The following EIF2A variants were observed in gnomAD, a reference collection of about 807,000 sequenced individuals.
EIF2A encodes 65 kDa eukaryotic translation initiation factor 2A.
A neutral mutation model predicts 75.2 loss-of-function variants in EIF2A; 62 were observed. The ratio of observed to expected loss-of-function variants is 0.82; its 90% CI spans 0.67 to 1.02. The LOEUF is 1.02. EIF2A is among the 50% of genes least tolerant of loss of function. EIF2A has a pLI of 0.00. For missense variants in EIF2A, 611 were observed against 677.7 expected (o/e 0.90, Z 1.09); for synonymous variants, 207 against 239.0 (o/e 0.87, Z 1.23).
At chr3:150,583,132 T>C in intron 12 of EIF2A, 68 bp from the exon 13 acceptor site, 1 of 1,384,964 alleles carries the variant, frequency 7.2e-7, no homozygotes, top group Non-Finnish European at 9.9e-7. Flanking sequence ...TTTCACATTC[T>C]TAATAAGGAA....
At chr3:150,558,556 A>G in intron 3 of EIF2A, 94 bp downstream of exon 3, 1 of 1,132,602 alleles carries the variant, frequency 8.8e-7, no homozygotes, top group Non-Finnish European at 1.2e-6. Flanking sequence ...TCATTAATAA[A>G]ATCCGTCTTT....
Position 150,563,530 on chromosome 3 carries a change from C to G in EIF2A, c.308C>G (p.Thr103Arg), listed in dbSNP as rs1466788077. 6.5e-7 allele frequency: 1 copy of G among 1,547,594 alleles called. No homozygotes were observed. The highest frequency in any genetic ancestry group is 8.7e-7 in the Non-Finnish European group (1 of 1,146,132). The change falls in exon 5 of 14, where the codon ACA becomes AGA. Residue 103 changes from threonine (T) to arginine (R), a missense_variant. Thr to Arg is a moderately conservative substitution (Grantham distance 71). Coordinates refer to ENST00000460851, the MANE Select transcript of EIF2A (RefSeq NM_032025.5). ...TTTATTGCAGCTTCTAAAGATGGCA[C>G]AGCTGGGATACCCAACCTACAACTT... ...WQPYTTSKDG[T>R]AGIPNLQLYD...
chr3:150,578,950 C>T (rs943939803), intron 11 of EIF2A, among the ~76,000 whole-genome samples: 2 of 152,156 alleles, frequency 1.3e-5, no homozygotes, highest in African/African-American at 4.8e-5. Context: ...AGAGTTGAAA[C>T]ATAAGAATTT....
chr3:150,561,957 C>T (rs962970786), intron 3 of EIF2A, among the ~76,000 whole-genome samples: 2 of 151,856 alleles, frequency 1.3e-5, no homozygotes, highest in African/African-American at 4.8e-5. Context: ...CAGAGGTTCT[C>T]CATGTTGGCC....
At chr3:150,563,852 C>T (rs936916837) in intron 5 of EIF2A, among the ~76,000 whole-genome samples, 1 of 152,130 alleles carries the variant, frequency 6.6e-6, no homozygotes, top group African/African-American at 2.4e-5. Context: ...GAGTCTCGCT[C>T]TGTCACCCAG....
chr3:150,572,567 AT>A (rs752388404), intron 10 of EIF2A, 38 bp downstream of exon 10: 2 of 1,550,754 alleles, frequency 1.3e-6, no homozygotes, highest in Non-Finnish European at 1.7e-6. Flanking sequence ...AAAAAAGTTT[AT>A]TTTGGGCCAG....
Position 150,582,749 on chromosome 3 carries a change from TG to T in EIF2A, c.1627-447del, listed in dbSNP as rs143685584. ...ATTTGTGATATTGCAGCCAGTGTGC[TG>T]GGGTGGCCCTGGGGATAAAAAAAGG... On this transcript the variant is annotated intron_variant, in intron 12 of 13. Transcript: ENST00000460851. Among the ~76,000 whole-genome samples the T allele has an allele frequency of 3.4e-3, 516 of 152,272 alleles. 2 individuals carry two copies. The highest frequency in any genetic ancestry group is 0.012 in the African/African-American group (485 of 41,552).
At chr3:150,556,667 C>A (rs1247439660) in intron 2 of EIF2A, among the ~76,000 whole-genome samples, 1 of 151,996 alleles carries the variant, frequency 6.6e-6, no homozygotes, top group Non-Finnish European at 1.5e-5. Flanking sequence ...ATGATGAGTG[C>A]ATAGGTGGAT....
chr3:150,565,265 C>A, intron 6 of EIF2A: 4 of 453,162 alleles, frequency 8.8e-6, no homozygotes, highest in Non-Finnish European at 1.3e-5. Context: ...GTGATGTTCA[C>A]TTCTTTTATC....
At chr3:150,551,541 T>C (rs1559873403) in intron 1 of EIF2A, among the ~76,000 whole-genome samples, 1 of 150,342 alleles carries the variant, frequency 6.7e-6, no homozygotes, top group Non-Finnish European at 1.5e-5. Flanking sequence ...GAGATCAGCC[T>C]GGGCAACAGT....
At chr3:150,570,423 C>T (rs1046458407) in intron 9 of EIF2A, among the ~76,000 whole-genome samples, 1 of 150,990 alleles carries the variant, frequency 6.6e-6, no homozygotes, top group Non-Finnish European at 1.5e-5. Flanking sequence ...TCCTCAGAGC[C>T]GGTGCAGTGG....
intron 5 of EIF2A, 119 bp downstream of exon 5, chr3:150,563,733 T>A (rs1724008324): frequency 1.2e-6 from 1 of 846,452 alleles, no homozygotes; most frequent in East Asian, 3.0e-5. Context: ...AATCTACATT[T>A]TTAAGGATTT....
At chr3:150,571,607 TATAA>T (rs915249424) in intron 9 of EIF2A, among the ~76,000 whole-genome samples, 17 of 152,150 alleles carry the variant, frequency 1.1e-4, no homozygotes, top group African/African-American at 3.4e-4. Context: ...ATCCCATTTC[TATAA>T]ATAAATAAAT....
chr3:150,569,921 A>G (rs1724410002), intron 9 of EIF2A, among the ~76,000 whole-genome samples: 3 of 152,310 alleles, frequency 2.0e-5, no homozygotes, highest in African/African-American at 7.2e-5. Context: ...CCAGAAGTAG[A>G]TCCATACTTT....
At chr3:150,552,290 C>G (rs12330655) in intron 1 of EIF2A, 66 bp from the exon 2 acceptor site, 693,490 of 1,360,746 alleles carry the variant, frequency 0.51, 178,028 homozygotes, top group Middle Eastern at 0.57. Flanking sequence ...TTTTAAAAAA[C>G]ACATTTGTGT....
chr3:150,550,121 CTG>C (rs1723242987), intron 1 of EIF2A, among the ~76,000 whole-genome samples: 1 of 106,518 alleles, frequency 9.4e-6, no homozygotes, highest in Admixed American at 1.1e-4. Context: ...CTGTGTGAAA[CTG>C]GCGTTTATTT....
At chr3:150,567,840 A>G in intron 7 of EIF2A, 62 bp from the exon 8 acceptor site, 3 of 1,577,584 alleles carry the variant, frequency 1.9e-6, no homozygotes, top group African/African-American at 2.7e-5. Context: ...TTGTAAAAAC[A>G]TGTCCATCTC....
At chr3:150,551,451 G>A (rs1159342206) in intron 1 of EIF2A, among the ~76,000 whole-genome samples, 4 of 152,076 alleles carry the variant, frequency 2.6e-5, no homozygotes, top group African/African-American at 9.7e-5. Flanking sequence ...GTATAGTCTA[G>A]GCTAGGTGCG....
chr3:150,555,359 C>T (rs796973846), intron 2 of EIF2A, among the ~76,000 whole-genome samples: 3 of 152,080 alleles, frequency 2.0e-5, no homozygotes, highest in African/African-American at 7.2e-5. Context: ...TGGGTTCAAG[C>T]GATTCTCCTG....
Sources: gnomAD v4.1 joint callset for allele counts (sites outside exome capture counted in the v4.1 genomes callset) on GRCh38, gnomAD v4.1.1 for gene constraint, MANE v1.5 for transcripts, NCBI Gene and HGNC (gene_info 2026-07-23, HGNC 2026-07-21) for gene names.